PDXK: variants seen among roughly 807,000 people sequenced by gnomAD.
PDXK encodes epididymis secretory sperm binding protein Li 1a.
In PDXK, 15 loss-of-function variants were observed where a neutral mutation model predicts 43.2. The observed-to-expected ratio is 0.35, with a 90% CI of 0.23 to 0.53. The LOEUF is 0.53. Among genes scored for constraint, PDXK ranks in the 20% least tolerant of loss-of-function variants. PDXK has a pLI of 0.92. For synonymous variants in PDXK, 172 were observed against 165.4 expected, an observed-to-expected ratio of 1.04 and a Z score of -0.31; for missense variants, 343 against 417.0, an observed-to-expected ratio of 0.82 and a Z score of 1.54.
intron 1 of PDXK, chr21:43,728,626 G>C: frequency 1.4e-6 from 1 of 730,378 alleles, no homozygotes; most frequent in Non-Finnish European, 1.7e-6. Flanking sequence ...GCTGTGAGCA[G>C]AGTGGGATGC....
chr21:43,742,604 C>A (rs2083556723), intron 3 of PDXK, among the ~76,000 whole-genome samples: 1 of 152,192 alleles, frequency 6.6e-6, no homozygotes, highest in African/African-American at 2.4e-5. Flanking sequence ...AGGCCAGGCA[C>A]AGGGGCTCGA....
intron 3 of PDXK, among the ~76,000 whole-genome samples, chr21:43,742,415 C>T (rs2083552408): frequency 6.6e-6 from 1 of 152,142 alleles, no homozygotes; most frequent in East Asian, 1.9e-4. Flanking sequence ...CTCCTAGGCT[C>T]AAGCCAGCCA....
rs936155629 is a variant in PDXK at position 43,719,400 on chromosome 21, C to T, written c.87+19C>T. The T allele has an allele frequency of 7.3e-6, 11 of 1,516,054 alleles. No homozygotes were observed. Among genetic ancestry groups the T allele is most frequent in the African/African-American group, 1.4e-5 (1 of 69,594 alleles). The allele number at this position is 1,516,054 out of a possible 1,614,324, so 93.9% of individuals were successfully genotyped here. A position where few individuals can be genotyped will look rare whatever the true frequency, so the allele number is the denominator to read the frequency against. ...GCTGCAGGTACGCATCCGCCCGCAG[C>T]CCGGGCTTACGTAACCCGAGCCCGT... On this transcript the variant is annotated intron_variant, in intron 1 of 10. Coordinates refer to ENST00000291565, the MANE Select transcript of PDXK (RefSeq NM_003681.5).
rs374699059 is a variant in PDXK, at chr21:43,737,385, G to A, written c.142+3262G>A. The A allele has an allele frequency of 4.3e-5, 51 of 1,191,588 alleles. No homozygotes were observed. The highest frequency in any genetic ancestry group is 2.4e-4 in the African/African-American group (15 of 62,588). 73.8% of individuals were successfully genotyped at this position (1,191,588 alleles called of 1,614,324 possible). A position where few individuals can be genotyped will look rare whatever the true frequency, so the allele number is the denominator to read the frequency against. ...CAAGGTGCGTTCATTTTTCCACACCGTGAGCTGGGCTTGGCAGAGCCTCCA... is the reference window on the plus strand; with the variant it reads ...CAAGGTGCGTTCATTTTTCCACACCATGAGCTGGGCTTGGCAGAGCCTCCA... On this transcript the variant is annotated intron_variant, in intron 2 of 10. Transcript: ENST00000291565. This position sits in a 1 kb window ranked among gnomAD's most constrained non-coding sequence, Gnocchi z 4.8.
In PDXK at chr21:43,734,920, A is replaced by G. The variant is rs1490334291; in HGVS notation, c.142+797A>G. Among the ~76,000 whole-genome samples, 4 of 152,196 alleles carry G rather than the reference A, an allele frequency of 2.6e-5. No individual in the cohort carries two copies. Among genetic ancestry groups the G allele is most frequent in the Non-Finnish European group, 5.9e-5 (4 of 68,040 alleles). ...CTTGGGAGCACAGAACGTCCCAGAA[A>G]CAGCCTGGCAGAGCATCAGTGCGAT... On this transcript the variant is annotated intron_variant, in intron 2 of 10. Transcript: ENST00000291565. This position sits in a 1 kb window ranked among gnomAD's most constrained non-coding sequence, Gnocchi z 5.0.
In PDXK at chr21:43,720,666, C is replaced by T. The variant is rs2083199563; in HGVS notation, c.87+1285C>T. Among the ~76,000 whole-genome samples the T allele has an allele frequency of 3.3e-5, 5 of 152,232 alleles. 1 individual carries two copies. ...CTCTTAAGCACTGCTCTGGACCACTCCTAGCTTGAGGGGGTTGGGGGAGGT... is the reference window on the plus strand; with the variant it reads ...CTCTTAAGCACTGCTCTGGACCACTTCTAGCTTGAGGGGGTTGGGGGAGGT... On this transcript the variant is annotated intron_variant, in intron 1 of 10. Transcript: ENST00000291565.
chr21:43,760,910 T>A lies in PDXK; in HGVS notation c.*4847T>A, dbSNP rs1481342028. ...GTTCTCAGAGCAGAATGTTTCCTGT[T>A]CTCAGTGCACAAAGACACTGGTTTT... On this transcript the variant is annotated 3_prime_UTR_variant, in exon 11 of 11. Transcript: ENST00000291565. The A allele has an allele frequency of 6.6e-6, 1 of 152,238 alleles. No homozygotes were observed. The highest frequency in any genetic ancestry group is 6.5e-5 in the Admixed American group (1 of 15,286). 9.4% of individuals were successfully genotyped at this position (152,238 alleles called of 1,614,324 possible). A position where few individuals can be genotyped will look rare whatever the true frequency, so the allele number is the denominator to read the frequency against.
rs932057586 is a variant in PDXK at position 43,725,312 on chromosome 21, G to T, written c.87+5931G>T. ...CACTCCAGCACGGGCGACAGAGCAA[G>T]ACTCTCGTCTCAAAACAAAACAAAA... On this transcript the variant is annotated intron_variant, in intron 1 of 10. Coordinates refer to ENST00000291565, the MANE Select transcript of PDXK (RefSeq NM_003681.5). 1.9e-3 allele frequency among the ~76,000 whole-genome samples: 292 copies of T among 152,014 alleles called. 2 individuals carry two copies. The highest frequency in any genetic ancestry group is 6.9e-3 in the African/African-American group (286 of 41,312).
rs1431097140 is a variant in PDXK, at chr21:43,732,225, C to A, written c.88-1844C>A. On this transcript the variant is annotated intron_variant, in intron 1 of 10. Coordinates refer to ENST00000291565, the MANE Select transcript of PDXK (RefSeq NM_003681.5). This position sits in a 1 kb window ranked among gnomAD's most constrained non-coding sequence, Gnocchi z 4.1. ...GAGATGCCAATTCCAGAGGCATGGTCCGGCACAGAGCGCTGGCTTCCAGCT... is the reference window on the plus strand; with the variant it reads ...GAGATGCCAATTCCAGAGGCATGGTACGGCACAGAGCGCTGGCTTCCAGCT... 17 of 1,452,948 alleles carry A rather than the reference C, an allele frequency of 1.2e-5. No individual in the cohort carries two copies. Among genetic ancestry groups the A allele is most frequent in the Admixed American group, 5.3e-5 (2 of 37,896 alleles). 90.0% of individuals were successfully genotyped at this position (1,452,948 alleles called of 1,614,324 possible).
chr21:43,723,157 C>CT lies in PDXK; in HGVS notation c.87+3790dup, dbSNP rs1223486545. On this transcript the variant is annotated intron_variant, in intron 1 of 10. Coordinates refer to ENST00000291565, the MANE Select transcript of PDXK (RefSeq NM_003681.5). This position sits in a 1 kb window ranked among gnomAD's most constrained non-coding sequence, Gnocchi z 4.1. ...CCTGGCCTTCTTTTTCTTTTTCTTT[C>CT]TTTTTTTTTTTTTTGAGACGAGGGT... is the stretch of plus-strand genomic sequence containing the variant. 0.036 allele frequency among the ~76,000 whole-genome samples: 4,964 copies of CT among 136,518 alleles called. 271 individuals are homozygous for CT. Among genetic ancestry groups the CT allele is most frequent in the African/African-American group, 0.13 (4,437 of 34,866 alleles). 89.6% of individuals were successfully genotyped at this position (136,518 alleles called of 152,430 possible).
At chr21:43,751,422 G>A (rs936393008) in intron 7 of PDXK, among the ~76,000 whole-genome samples, 45 of 152,180 alleles carry the variant, frequency 3.0e-4, no homozygotes, top group African/African-American at 8.4e-4. Context: ...GGTGGTGCAC[G>A]CCTATAATCC....
chr21:43,735,116 C>G lies in PDXK; in HGVS notation c.142+993C>G, dbSNP rs143207836. On this transcript the variant is annotated intron_variant, in intron 2 of 10. Transcript: ENST00000291565. This position sits in a 1 kb window ranked among gnomAD's most constrained non-coding sequence, Gnocchi z 5.3. ...CGGTGCAGATGGACAAGCTCCAGCTCTCGCTGAAACCCTTTCCTGCCTTTG... is the reference window on the plus strand; with the variant it reads ...CGGTGCAGATGGACAAGCTCCAGCTGTCGCTGAAACCCTTTCCTGCCTTTG... 7.1e-4 allele frequency among the ~76,000 whole-genome samples: 108 copies of G among 152,360 alleles called. 1 individual carries two copies. The highest frequency in any genetic ancestry group is 2.5e-3 in the African/African-American group (102 of 41,584).
intron 1 of PDXK, among the ~76,000 whole-genome samples, chr21:43,724,848 A>T (rs1485563093): frequency 6.6e-6 from 1 of 151,908 alleles, no homozygotes; most frequent in Non-Finnish European, 1.5e-5. Context: ...CTCAAAAAAA[A>T]AAAAAAGTAA....
chr21:43,729,661 G>C (rs2044346719), intron 1 of PDXK, among the ~76,000 whole-genome samples: 1 of 152,324 alleles, frequency 6.6e-6, no homozygotes, highest in African/African-American at 2.4e-5. Context: ...AGCACGGGCC[G>C]AGCACGATGG....
Position 43,753,563 on chromosome 21 carries a change from T to G in PDXK, c.623-20T>G. The G allele has an allele frequency of 6.2e-7, 1 of 1,601,630 alleles. No individual in the cohort carries two copies. The highest frequency in any genetic ancestry group is 8.5e-7 in the Non-Finnish European group (1 of 1,171,632). Reference sequence around the variant, plus strand: ...GAGGAGCGGCAGATCTCAGTGACCTTGCCCATCTTCTCCCCCTAGGGAATC... The same window carrying G: ...GAGGAGCGGCAGATCTCAGTGACCTGGCCCATCTTCTCCCCCTAGGGAATC... On this transcript the variant is annotated intron_variant, in intron 8 of 10. Transcript: ENST00000291565.
intron 1 of PDXK, among the ~76,000 whole-genome samples, chr21:43,722,412 T>C (rs1326081125): frequency 6.6e-6 from 1 of 152,220 alleles, no homozygotes; most frequent in Non-Finnish European, 1.5e-5. Context: ...CCTTTTGCTC[T>C]ATTGCTTCCG....
rs1384711102 is a variant in PDXK, at chr21:43,757,648, A to T, written c.*1585A>T. The stretch of plus-strand genomic sequence containing the variant: ...CACTCTCCCACTCTGTTCGTTCTGA[A>T]TGTCTTCACGAGCGTGCATCAGGGC... On this transcript the variant is annotated 3_prime_UTR_variant, in exon 11 of 11. Coordinates refer to ENST00000291565, the MANE Select transcript of PDXK (RefSeq NM_003681.5). 6.6e-6 allele frequency: 1 copy of T among 151,852 alleles called. No homozygotes were observed. The highest frequency in any genetic ancestry group is 1.5e-5 in the Non-Finnish European group (1 of 67,962). The allele number at this position is 151,852 out of a possible 1,614,324, so 9.4% of individuals were successfully genotyped here.
chr21:43,719,276 CG>C lies in PDXK; in HGVS notation c.-18del, dbSNP rs1364247383. On this transcript the variant is annotated 5_prime_UTR_variant, in exon 1 of 11. Coordinates refer to ENST00000291565, the MANE Select transcript of PDXK (RefSeq NM_003681.5). ...CCGTGCCCCCGCCTCGGCCCCGCGCCGCCGCGGCCAGGCCCGGCATGGAGGA... is the reference window on the plus strand; with the variant it reads ...CCGTGCCCCCGCCTCGGCCCCGCGCCCCGCGGCCAGGCCCGGCATGGAGGA... The C allele has an allele frequency of 7.1e-7, 1 of 1,416,956 alleles. No individual in the cohort carries two copies. Among genetic ancestry groups the C allele is most frequent in the Non-Finnish European group, 9.3e-7 (1 of 1,075,546 alleles). The allele number at this position is 1,416,956 out of a possible 1,614,324, so 87.8% of individuals were successfully genotyped here. A position where few individuals can be genotyped will look rare whatever the true frequency, so the allele number is the denominator to read the frequency against.
intron 7 of PDXK, among the ~76,000 whole-genome samples, chr21:43,750,977 T>TGC (rs2083740152): frequency 1.3e-5 from 2 of 150,424 alleles, no homozygotes; most frequent in African/African-American, 2.5e-5. Context: ...TGTGTGTGTG[T>TGC]GTGCACATGT....
Sources: gnomAD v4.1 joint callset for allele counts (sites outside exome capture counted in the v4.1 genomes callset) on GRCh38, gnomAD v4.1.1 for gene constraint, Gnocchi (gnomAD v3.1) non-coding constraint, MANE v1.5 for transcripts, NCBI Gene and HGNC (gene_info 2026-07-23, HGNC 2026-07-21) for gene names.